The following MAD1L1 variants were observed in gnomAD, a reference collection of about 807,000 sequenced individuals.
MAD1L1 encodes mitotic arrest deficient 1 like 1.
A neutral mutation model predicts 96.9 loss-of-function variants in MAD1L1; 95 were observed. That is an observed-to-expected ratio of 0.98 (90% CI 0.83 to 1.16). The LOEUF (loss-of-function observed/expected upper bound fraction) is 1.16, where lower values mean the gene tolerates loss of function less well. MAD1L1 is among the 50% of genes most tolerant of loss of function. The pLI, the probability that MAD1L1 is intolerant of heterozygous loss-of-function variation, is 0.00. For synonymous variants in MAD1L1, 473 were observed against 396.6 expected (o/e 1.19, Z -2.29); for missense variants, 1,007 against 954.4 (o/e 1.06, Z -0.73).
At chr7:2,132,908 T>A (rs1788586819) in intron 11 of MAD1L1, among the ~76,000 whole-genome samples, 2 of 152,220 alleles carry the variant, frequency 1.3e-5, no homozygotes, top group Admixed American at 1.3e-4. Context: ...GGTGGGTCCC[T>A]CATGACGGCT....
At chr7:1,817,097 C>T (rs1781848751) in intron 18 of MAD1L1, 1 of 152,292 alleles carries the variant, frequency 6.6e-6, no homozygotes, top group South Asian at 2.1e-4. Context: ...CCAATGAGCT[C>T]ATGCCAGGAC....
intron 10 of MAD1L1, among the ~76,000 whole-genome samples, chr7:2,169,878 G>T (rs561840736): frequency 1.5e-5 from 2 of 129,670 alleles, no homozygotes; most frequent in African/African-American, 2.9e-5. Context: ...CCACAGTCTG[G>T]GTGGAGGGGT....
intron 12 of MAD1L1, among the ~76,000 whole-genome samples, chr7:2,051,124 T>C (rs982816566): frequency 6.6e-6 from 1 of 152,214 alleles, no homozygotes; most frequent in Non-Finnish European, 1.5e-5. Context: ...GGCCAAAGCC[T>C]GGGTAGGCAG....
intron 12 of MAD1L1, among the ~76,000 whole-genome samples, chr7:2,045,748 G>A (rs1783891673): frequency 6.6e-6 from 1 of 151,884 alleles, no homozygotes; most frequent in Non-Finnish European, 1.5e-5. Flanking sequence ...TGGGGGAGGG[G>A]AGCGGGACAT....
chr7:1,853,030 G>T (rs771412538), intron 18 of MAD1L1, among the ~76,000 whole-genome samples: 3 of 152,216 alleles, frequency 2.0e-5, no homozygotes, highest in African/African-American at 4.8e-5. Flanking sequence ...CAAGGCTCAG[G>T]GTCCTGTCCC....
At chr7:2,117,050 G>A (rs1018544183) in intron 11 of MAD1L1, among the ~76,000 whole-genome samples, 16 of 152,332 alleles carry the variant, frequency 1.1e-4, no homozygotes, top group Middle Eastern at 6.8e-3. Context: ...AGGCTCTAAC[G>A]CTGGGAACAC....
intron 18 of MAD1L1, among the ~76,000 whole-genome samples, chr7:1,869,643 G>A (rs1024822961): frequency 6.6e-6 from 1 of 152,324 alleles, no homozygotes. Context: ...ATCTCCAGCT[G>A]CCGAAGGGTA....
intron 16 of MAD1L1, among the ~76,000 whole-genome samples, chr7:1,947,450 C>T (rs1477865353): frequency 6.6e-6 from 1 of 152,276 alleles, no homozygotes; most frequent in African/African-American, 2.4e-5. Context: ...TCAATCAATA[C>T]CTCTCCTGGC....
At chr7:2,084,153 G>A (rs1034105695) in intron 11 of MAD1L1, among the ~76,000 whole-genome samples, 1 of 152,264 alleles carries the variant, frequency 6.6e-6, no homozygotes, top group Admixed American at 6.5e-5. Context: ...ACACTCCGCA[G>A]GATCTGGAAG....
At chr7:2,083,527 A>G (rs925703242) in intron 11 of MAD1L1, among the ~76,000 whole-genome samples, 21 of 152,326 alleles carry the variant, frequency 1.4e-4, no homozygotes, top group African/African-American at 4.8e-4. Context: ...TCGGGCAGGT[A>G]AATCAGCGGA....
At position 2,222,671 on chromosome 7, in the gene MAD1L1, C is replaced by T; in HGVS notation, c.375G>A (p.Gln125=). 2 of 1,613,134 alleles carry T rather than the reference C, an allele frequency of 1.2e-6. No homozygotes were observed. The highest frequency in any genetic ancestry group is 1.7e-6 in the Non-Finnish European group (2 of 1,179,900). Residue 125 remains glutamine (Q), a synonymous_variant, in exon 5 of 19, where the codon CAG becomes CAA. Transcript: ENST00000265854. ...ACTGCCTGTTGCGCTCCAGCTGCTC[C>T]TGCATCTTCTCCTCCGCCCCGGCCT... ...EREAGAEEKM[Q]EQLERNRQCQ...
chr7:2,169,887 GTC>G (rs1790630043), intron 10 of MAD1L1, among the ~76,000 whole-genome samples: 2 of 129,374 alleles, frequency 1.5e-5, no homozygotes, highest in Admixed American at 7.9e-5. Flanking sequence ...GGGTGGAGGG[GTC>G]GGCCAGGACT....
intron 10 of MAD1L1, among the ~76,000 whole-genome samples, chr7:2,161,438 G>A (rs569593967): frequency 2.0e-5 from 3 of 152,140 alleles, no homozygotes; most frequent in Admixed American, 6.5e-5. Flanking sequence ...GTGCAGTGGC[G>A]TGATCTCGGC....
At chr7:2,221,340 G>C (rs967252209) in intron 5 of MAD1L1, among the ~76,000 whole-genome samples, 28 of 152,184 alleles carry the variant, frequency 1.8e-4, no homozygotes, top group African/African-American at 6.5e-4. Flanking sequence ...GGCAAGGCAA[G>C]AGCAGCTTCT....
At chr7:1,927,039 T>A (rs1233032586) in intron 17 of MAD1L1, among the ~76,000 whole-genome samples, 2 of 152,136 alleles carry the variant, frequency 1.3e-5, no homozygotes, top group Non-Finnish European at 2.9e-5. Flanking sequence ...GGTCATGGGT[T>A]ACAAAGCCAG....
At chr7:2,013,709 G>A (rs1186770563) in intron 13 of MAD1L1, among the ~76,000 whole-genome samples, 1 of 152,268 alleles carries the variant, frequency 6.6e-6, no homozygotes, top group African/African-American at 2.4e-5. Flanking sequence ...ACGGAGAAGT[G>A]GTGCAAATCC....
chr7:2,024,391 C>T (rs1782910850), intron 12 of MAD1L1, among the ~76,000 whole-genome samples: 1 of 152,226 alleles, frequency 6.6e-6, no homozygotes, highest in Non-Finnish European at 1.5e-5. Context: ...CACAGAGGGC[C>T]TTCACCACCA....
intron 12 of MAD1L1, among the ~76,000 whole-genome samples, chr7:2,047,985 CAG>C (rs1024310079): frequency 6.6e-6 from 1 of 152,240 alleles, no homozygotes; most frequent in African/African-American, 2.4e-5. Context: ...CATGTGCACA[CAG>C]AACTCACACA....
chr7:2,160,591 C>T (rs181527384), intron 10 of MAD1L1, among the ~76,000 whole-genome samples: 88 of 151,962 alleles, frequency 5.8e-4, no homozygotes, highest in African/African-American at 2.0e-3. Context: ...CTTCGGCCTC[C>T]CAAAGTGCTG....
Sources: gnomAD v4.1 joint callset for allele counts (sites outside exome capture counted in the v4.1 genomes callset) on GRCh38, gnomAD v4.1.1 for gene constraint, MANE v1.5 for transcripts, NCBI Gene and HGNC (gene_info 2026-07-23, HGNC 2026-07-21) for gene names.